Variants in PRICKLE1 observed in about 807,000 individuals in gnomAD.
The protein encoded by PRICKLE1 is prickle-like protein 1.
In PRICKLE1, 14 loss-of-function variants were observed where a neutral mutation model predicts 70.2. That is an observed-to-expected ratio of 0.20 (90% CI 0.13 to 0.31). PRICKLE1 has a LOEUF of 0.31. PRICKLE1 is among the 10% of genes least tolerant of loss of function. The pLI is 1.00. For missense variants in PRICKLE1, 821 were observed against 1,026.2 expected, an observed-to-expected ratio of 0.80 and a Z score of 2.73; for synonymous variants, 357 against 379.9, an observed-to-expected ratio of 0.94 and a Z score of 0.70.
intron 1 of PRICKLE1, among the ~76,000 whole-genome samples, chr12:42,514,156 T>C (rs1331109056): frequency 1.3e-5 from 2 of 152,222 alleles, no homozygotes; most frequent in African/African-American, 4.8e-5. Context: ...GCATCATCAT[T>C]GCAATAAAAT....
chr12:42,460,568 A>G lies in PRICKLE1; in HGVS notation c.1737T>C (p.Asn579=). 3.7e-6 allele frequency: 6 copies of G among 1,614,024 alleles called. No individual in the cohort carries two copies. Among genetic ancestry groups the G allele is most frequent in the South Asian group, 3.3e-5 (3 of 91,066 alleles). The part of the protein sequence containing the change: ...METEDCEKMS[N]MGTLNSSMLH... ...GCATGGAAGAGTTCAAAGTTCCCAT[A>G]TTGCTCATCTTCTCACAATCTTCTG... Residue 579 remains asparagine, a synonymous_variant, in exon 8 of 8, where the codon AAT becomes AAC. Transcript: ENST00000345127.
intron 1 of PRICKLE1, among the ~76,000 whole-genome samples, chr12:42,518,584 C>A (rs1939650629): frequency 6.6e-6 from 1 of 152,156 alleles, no homozygotes; most frequent in South Asian, 2.1e-4. Flanking sequence ...AAAAATAGCT[C>A]AATGATCCTT....
At chr12:42,521,704 A>G (rs926722769) in intron 1 of PRICKLE1, among the ~76,000 whole-genome samples, 9 of 152,120 alleles carry the variant, frequency 5.9e-5, no homozygotes, top group African/African-American at 1.9e-4. Context: ...TTGTCTCAAA[A>G]AAAAAAAGCC....
chr12:42,466,320 A>G lies in PRICKLE1; in HGVS notation c.649T>C (p.Cys217Arg), dbSNP rs772276749. 3.7e-5 allele frequency: 60 copies of G among 1,614,128 alleles called. No individual in the cohort carries two copies. The highest frequency in any genetic ancestry group is 5.1e-5 in the Non-Finnish European group (60 of 1,180,042). The change falls in exon 6 of 8, where the codon TGC (cysteine) becomes CGC (arginine). Residue 217 changes from cysteine (C) to arginine (R), a missense_variant. Physicochemically the swap from Cys to Arg is radical, Grantham distance 180. Coordinates refer to ENST00000345127, the MANE Select transcript of PRICKLE1 (RefSeq NM_153026.3). ...AGGACCGTTTCACACTCAAGGCAGC[A>G]GAAGTGTTTCATGTGCCAATGGCGA... ...EGRHWHMKHF[C>R]CLECETVLGG...
In PRICKLE1 at chr12:42,465,027, A is replaced by T; in HGVS notation, c.1007T>A (p.Met336Lys). ...RSRDSRRSVR[M>K]GKSSRSADQC... ...ATCTGCTGACCGGCTGCTCTTGCCC[A>T]TTCGGACACTTCTTCGGGAGTCTCT... Residue 336 changes from methionine to lysine, a missense_variant, in exon 7 of 8, where the codon ATG (methionine) becomes AAG (lysine). Physicochemically the swap from Met to Lys is moderately conservative, Grantham distance 95. Transcript: ENST00000345127. The T allele has an allele frequency of 6.3e-7, 1 of 1,597,590 alleles. No homozygotes were observed. The highest frequency in any genetic ancestry group is 8.5e-7 in the Non-Finnish European group (1 of 1,172,742).
In PRICKLE1 at chr12:42,571,561, G is replaced by A. The variant is rs1342435081; in HGVS notation, c.-49+17904C>T. 4.6e-5 allele frequency among the ~76,000 whole-genome samples: 7 copies of A among 152,312 alleles called. No individual in the cohort carries two copies. In the South Asian group the frequency reaches 1.2e-3, roughly 27 times the overall value. ...GATGAACTCCCTGGTCCCAGGCCTTGGGCTTGGAAAGCAGCAGGGATTGTG... is the reference window on the plus strand; with the variant it reads ...GATGAACTCCCTGGTCCCAGGCCTTAGGCTTGGAAAGCAGCAGGGATTGTG... On this transcript the variant is annotated intron_variant, in intron 1 of 7. Transcript: ENST00000345127.
chr12:42,515,115 G>C (rs929731272), intron 1 of PRICKLE1, among the ~76,000 whole-genome samples: 2 of 151,804 alleles, frequency 1.3e-5, no homozygotes, highest in Admixed American at 6.6e-5. Flanking sequence ...AGATGGGTTT[G>C]CATCATGTTG....
intron 1 of PRICKLE1, among the ~76,000 whole-genome samples, chr12:42,557,498 G>A (rs2120684703): frequency 6.6e-6 from 1 of 152,252 alleles, no homozygotes; most frequent in East Asian, 1.9e-4. Flanking sequence ...CCCAACATAT[G>A]CTTCCCTGAA....
intron 1 of PRICKLE1, among the ~76,000 whole-genome samples, chr12:42,504,816 G>A (rs751366051): frequency 1.8e-4 from 27 of 152,212 alleles, no homozygotes; most frequent in Non-Finnish European, 3.4e-4. Context: ...CAGACAGACA[G>A]GACTTTATGG....
At chr12:42,534,944 T>G (rs1353737373) in intron 1 of PRICKLE1, among the ~76,000 whole-genome samples, 2 of 152,218 alleles carry the variant, frequency 1.3e-5, no homozygotes, top group Non-Finnish European at 2.9e-5. Context: ...TGACATTTAT[T>G]TTCCTTTTCT....
At chr12:42,557,580 A>G (rs973655292) in intron 1 of PRICKLE1, among the ~76,000 whole-genome samples, 1 of 152,184 alleles carries the variant, frequency 6.6e-6, no homozygotes, top group Non-Finnish European at 1.5e-5. Flanking sequence ...AAAATGCTCT[A>G]TTTTTAAAAG....
At chr12:42,527,613 C>T (rs1414245714) in intron 1 of PRICKLE1, among the ~76,000 whole-genome samples, 7 of 152,088 alleles carry the variant, frequency 4.6e-5, no homozygotes, top group Non-Finnish European at 4.4e-5. Context: ...ATGGCATATG[C>T]CTGGCACAGA....
At chr12:42,574,690 C>A (rs1014278092) in intron 1 of PRICKLE1, among the ~76,000 whole-genome samples, 1 of 152,142 alleles carries the variant, frequency 6.6e-6, no homozygotes, top group Non-Finnish European at 1.5e-5. Flanking sequence ...ACATTTCAAC[C>A]TAAGAAGTGA....
At chr12:42,528,709 TA>T (rs1758825855) in intron 1 of PRICKLE1, among the ~76,000 whole-genome samples, 2 of 152,238 alleles carry the variant, frequency 1.3e-5, no homozygotes, top group African/African-American at 2.4e-5. Context: ...ATGTTCAGAA[TA>T]TGCCAGTTTG....
At position 42,589,692 on chromosome 12, in the gene PRICKLE1, C is replaced by G. The variant is rs927056668; in HGVS notation, c.-276G>C. The G allele has an allele frequency of 1.3e-5, 2 of 151,294 alleles. No homozygotes were observed. The highest frequency in any genetic ancestry group is 3.0e-5 in the Non-Finnish European group (2 of 67,742). 9.4% of individuals were successfully genotyped at this position (151,294 alleles called of 1,614,324 possible). On this transcript the variant is annotated 5_prime_UTR_variant, in exon 1 of 8. Transcript: ENST00000345127. The surrounding 1 kb of genome is among the most constrained non-coding windows in gnomAD (Gnocchi z 5.0). ...GGCTGGCATGTTCCGGGCGCGCTGT[C>G]GGGCGGCGGCGGCCGCGGGAGACGG...
At chr12:42,563,313 A>AT (rs1332559579) in intron 1 of PRICKLE1, among the ~76,000 whole-genome samples, 2 of 152,048 alleles carry the variant, frequency 1.3e-5, no homozygotes, top group East Asian at 3.9e-4. Flanking sequence ...ATATTAATTT[A>AT]TTTTTTCTCA....
At chr12:42,482,131 T>C (rs1938813838) in intron 1 of PRICKLE1, among the ~76,000 whole-genome samples, 1 of 152,258 alleles carries the variant, frequency 6.6e-6, no homozygotes, top group South Asian at 2.1e-4. Context: ...TCCCAACAGC[T>C]GAGTGGGCTA....
At chr12:42,463,026 A>C (rs1479802591) in intron 7 of PRICKLE1, among the ~76,000 whole-genome samples, 7 of 152,216 alleles carry the variant, frequency 4.6e-5, no homozygotes. Flanking sequence ...TGTGCTTTGA[A>C]AACATTAAAG....
intron 1 of PRICKLE1, among the ~76,000 whole-genome samples, chr12:42,515,280 C>T (rs866634389): frequency 6.7e-6 from 1 of 149,252 alleles, no homozygotes; most frequent in Non-Finnish European, 1.5e-5. Context: ...GCTCTTATTG[C>T]CCAGGCTGGA....
Sources: allele counts gnomAD v4.1 joint callset (sites outside exome capture counted in the v4.1 genomes callset), GRCh38; gene constraint gnomAD v4.1.1; non-coding constraint Gnocchi (gnomAD v3.1); transcripts MANE v1.5; gene names NCBI Gene and HGNC (gene_info 2026-07-23, HGNC 2026-07-21).